The following IL1RAPL1 variants were observed in gnomAD, a reference collection of about 807,000 sequenced individuals.
IL1RAPL1 encodes interleukin-1 receptor accessory protein-like 1.
In IL1RAPL1, 3 loss-of-function variants were observed where a neutral mutation model predicts 48.4. The ratio of observed to expected loss-of-function variants is 0.06; its 90% CI spans 0.03 to 0.16. IL1RAPL1 has a LOEUF of 0.16. IL1RAPL1 is among the 10% of genes least tolerant of loss of function. The pLI is 1.00. For missense variants in IL1RAPL1, 349 were observed against 530.6 expected, an observed-to-expected ratio of 0.66 and a Z score of 3.36; for synonymous variants, 185 against 187.7, an observed-to-expected ratio of 0.99 and a Z score of 0.12.
chrX:29,539,193 C>T (rs1409722534), intron 5 of IL1RAPL1, among the ~76,000 whole-genome samples: 3 of 111,423 alleles, frequency 2.7e-5, no homozygotes, highest in Non-Finnish European at 3.8e-5. Flanking sequence ...TTCAATAGCA[C>T]ATCAAAAAGT....
chrX:29,367,008 G>T (rs888738346), intron 3 of IL1RAPL1, among the ~76,000 whole-genome samples: 1 of 110,989 alleles, frequency 9.0e-6, no homozygotes, highest in Non-Finnish European at 1.9e-5. Flanking sequence ...GTTTTTTTTA[G>T]GGGGAAAAGA....
intron 2 of IL1RAPL1, among the ~76,000 whole-genome samples, chrX:28,905,938 C>T (rs1923205812): frequency 8.9e-6 from 1 of 111,743 alleles, no homozygotes; most frequent in Non-Finnish European, 1.9e-5. Flanking sequence ...TCCAGACGTT[C>T]TCACACTGCT....
intron 2 of IL1RAPL1, among the ~76,000 whole-genome samples, chrX:29,184,579 C>A (rs1036906844): frequency 1.8e-5 from 2 of 111,317 alleles, no homozygotes; most frequent in African/African-American, 3.3e-5. Flanking sequence ...GGGCTCACTG[C>A]AACCTCTGCC....
intron 2 of IL1RAPL1, among the ~76,000 whole-genome samples, chrX:29,062,974 T>A (rs1232965375): frequency 4.5e-5 from 5 of 111,992 alleles, no homozygotes; most frequent in Non-Finnish European, 7.5e-5. Flanking sequence ...CTATTGTTCT[T>A]TTCACTGAGC....
At chrX:28,681,381 A>T (rs984023890) in intron 1 of IL1RAPL1, among the ~76,000 whole-genome samples, 2 of 111,497 alleles carry the variant, frequency 1.8e-5, no homozygotes, top group Non-Finnish European at 3.8e-5. Context: ...AACCTAGAGG[A>T]AATTATGCTA....
intron 1 of IL1RAPL1, among the ~76,000 whole-genome samples, chrX:28,625,999 T>A (rs1357927278): frequency 8.9e-6 from 1 of 112,132 alleles, no homozygotes; most frequent in Non-Finnish European, 1.9e-5. Flanking sequence ...GCTGTAATAA[T>A]TTATTTTTCT....
intron 2 of IL1RAPL1, among the ~76,000 whole-genome samples, chrX:29,167,848 T>A (rs1194340737): frequency 9.0e-6 from 1 of 110,553 alleles, no homozygotes; most frequent in Non-Finnish European, 1.9e-5. Context: ...AAATTGATTA[T>A]TAGATGTAAT....
intron 6 of IL1RAPL1, among the ~76,000 whole-genome samples, chrX:29,895,060 G>C (rs1280068027): frequency 9.2e-6 from 1 of 108,789 alleles, no homozygotes; most frequent in East Asian, 3.0e-4. Context: ...CTGACCTCAG[G>C]TGATCCACCC....
intron 2 of IL1RAPL1, among the ~76,000 whole-genome samples, chrX:29,263,792 TATTA>T (rs1218986685): frequency 2.7e-5 from 3 of 109,480 alleles, no homozygotes; most frequent in Non-Finnish European, 5.7e-5. Context: ...GGCTCACCAG[TATTA>T]ATTAAGTCCT....
chrX:29,192,890 C>T (rs1930378080), intron 2 of IL1RAPL1, among the ~76,000 whole-genome samples: 1 of 110,867 alleles, frequency 9.0e-6, no homozygotes, highest in African/African-American at 3.3e-5. Context: ...TAGTACTAAC[C>T]ATTAACTAGA....
intron 1 of IL1RAPL1, among the ~76,000 whole-genome samples, chrX:28,637,089 G>A (rs921571219): frequency 1.3e-4 from 15 of 111,177 alleles, no homozygotes; most frequent in African/African-American, 4.9e-4. Flanking sequence ...CAAACATGGG[G>A]TAGAATACAG....
At chrX:29,726,135 A>G (rs894318520) in intron 6 of IL1RAPL1, among the ~76,000 whole-genome samples, 2 of 112,459 alleles carry the variant, frequency 1.8e-5, no homozygotes, top group African/African-American at 6.5e-5. Context: ...TCTTTCTTCC[A>G]GAAATAAAAA....
chrX:28,997,048 C>T (rs1027845889), intron 2 of IL1RAPL1, among the ~76,000 whole-genome samples: 4 of 111,066 alleles, frequency 3.6e-5, no homozygotes, highest in African/African-American at 1.3e-4. Flanking sequence ...CATGGACTTA[C>T]CCAGTGCGCA....
intron 3 of IL1RAPL1, among the ~76,000 whole-genome samples, chrX:29,376,368 G>A (rs887833718): frequency 1.8e-5 from 2 of 108,685 alleles, no homozygotes; most frequent in African/African-American, 6.6e-5. Context: ...TTGTGTATTT[G>A]TATAGTTTTA....
At chrX:29,003,749 T>TA (rs1925911399) in intron 2 of IL1RAPL1, among the ~76,000 whole-genome samples, 1 of 112,529 alleles carries the variant, frequency 8.9e-6, no homozygotes, top group African/African-American at 3.2e-5. Flanking sequence ...AATGTGACAG[T>TA]ATTATAGATC....
In IL1RAPL1 at chrX:28,660,086, G is replaced by GGTGTGTGTGTGT. The variant is rs60600833; in HGVS notation, c.-25+72082_-25+72093dup. ...TCCAAAGCAGAAGCAGAGTGAGGAT[G>GGTGTGTGTGTGT]GTGTGTGTGTGTGTGTGTGTGTGTG... is the stretch of plus-strand genomic sequence containing the variant. On this transcript the variant is annotated intron_variant, in intron 1 of 10. Coordinates refer to ENST00000378993, the MANE Select transcript of IL1RAPL1 (RefSeq NM_014271.4). 3.9e-3 allele frequency among the ~76,000 whole-genome samples: 297 copies of GGTGTGTGTGTGT among 76,442 alleles called. 4 individuals carry two copies. Among genetic ancestry groups the GGTGTGTGTGTGT allele is most frequent in the East Asian group, 0.017 (33 of 1,953 alleles). The allele number at this position is 76,442 out of a possible 115,157, so 66.4% of individuals were successfully genotyped here. A position where few individuals can be genotyped will look rare whatever the true frequency, so the allele number is the denominator to read the frequency against.
At position 29,766,348 on chromosome X, in the gene IL1RAPL1, T is replaced by A. The variant is rs868689368; in HGVS notation, c.778+97844T>A. The stretch of plus-strand genomic sequence containing the variant: ...GTCTCAAAAAAAAAAAAAAAATATA[T>A]ATATATATATATATAGATAGATAGA... On this transcript the variant is annotated intron_variant, in intron 6 of 10. Coordinates refer to ENST00000378993, the MANE Select transcript of IL1RAPL1 (RefSeq NM_014271.4). 8.3e-3 allele frequency among the ~76,000 whole-genome samples: 674 copies of A among 80,817 alleles called. 35 individuals carry two copies. Among genetic ancestry groups the A allele is most frequent in the African/African-American group, 0.032 (544 of 16,965 alleles). The allele number at this position is 80,817 out of a possible 115,157, so 70.2% of individuals were successfully genotyped here.
At chrX:28,912,047 T>C (rs1221153409) in intron 2 of IL1RAPL1, among the ~76,000 whole-genome samples, 1 of 104,821 alleles carries the variant, frequency 9.5e-6, no homozygotes, top group Non-Finnish European at 2.0e-5. Flanking sequence ...TGGGAAAATA[T>C]TCATGATACA....
chrX:29,182,109 C>G (rs927480622), intron 2 of IL1RAPL1, among the ~76,000 whole-genome samples: 1 of 109,868 alleles, frequency 9.1e-6, no homozygotes, highest in Admixed American at 9.8e-5. Flanking sequence ...GCCTTGCCCC[C>G]CCCCACCCCA....
Sources: allele counts gnomAD v4.1 joint callset (sites outside exome capture counted in the v4.1 genomes callset), GRCh38; gene constraint gnomAD v4.1.1; transcripts MANE v1.5; gene names NCBI Gene and HGNC (gene_info 2026-07-23, HGNC 2026-07-21).